DOCK1: variants seen among roughly 807,000 people sequenced by gnomAD.
DOCK1 encodes the protein dedicator of cytokinesis 1.
DOCK1 carries 138 observed loss-of-function variants against 262.7 expected under a neutral mutation model. The observed-to-expected ratio is 0.53, with a 90% CI of 0.46 to 0.61. The LOEUF is 0.61. DOCK1 is among the 20% of genes least tolerant of loss of function. The pLI is 0.00. For missense variants in DOCK1, 1,908 were observed against 2,370.7 expected, an observed-to-expected ratio of 0.80 and a Z score of 4.05; for synonymous variants, 866 against 867.4, an observed-to-expected ratio of 1.00 and a Z score of 0.03.
In DOCK1 at chr10:127,439,065, C is replaced by T; in HGVS notation, c.5099C>T (p.Ser1700Phe). ...LEPLLPKKMH[S>F]RSQDKLDKDD... ...CCTCTCCTGCCAAAGAAAATGCACT[C>T]CAGGTCCCAGGACAAGCTGGACAAG... Residue 1700 changes from serine to phenylalanine, a missense_variant, in exon 49 of 52, where the codon TCC (serine) becomes TTC (phenylalanine). By Grantham distance (155) the Ser-to-Phe change is radical. This residue lies in a region of DOCK1 where 383 missense variants were observed against 420.1 expected (regional missense o/e 0.91). Coordinates refer to ENST00000623213, the MANE Select transcript of DOCK1 (RefSeq NM_001290223.2). 1 of 1,555,268 alleles carries T rather than the reference C, an allele frequency of 6.4e-7. No individual in the cohort carries two copies. The highest frequency in any genetic ancestry group is 8.7e-7 in the Non-Finnish European group (1 of 1,148,920).
chr10:127,290,019 T>C (rs1168580103), intron 29 of DOCK1, among the ~76,000 whole-genome samples: 1 of 152,124 alleles, frequency 6.6e-6, no homozygotes, highest in Non-Finnish European at 1.5e-5. Flanking sequence ...CTGTTTCTGT[T>C]ATGGAGTTTT....
At chr10:127,383,919 T>C (rs1307900690) in intron 37 of DOCK1, among the ~76,000 whole-genome samples, 2 of 152,128 alleles carry the variant, frequency 1.3e-5, no homozygotes, top group Non-Finnish European at 2.9e-5. Context: ...TCTGTTTTTT[T>C]TTCTTCTTCT....
At chr10:127,299,683 G>A (rs1448373613) in intron 29 of DOCK1, among the ~76,000 whole-genome samples, 2 of 152,134 alleles carry the variant, frequency 1.3e-5, no homozygotes, top group East Asian at 3.9e-4. Context: ...CCCAGCTTGT[G>A]GTCACTTGTC....
chr10:126,921,428 A>G (rs1320732387), intron 1 of DOCK1, among the ~76,000 whole-genome samples: 1 of 152,208 alleles, frequency 6.6e-6, no homozygotes, highest in Non-Finnish European at 1.5e-5. Flanking sequence ...TAAGGGCAAG[A>G]AGCCAGTCAC....
chr10:127,038,993 C>T (rs114776250), intron 19 of DOCK1, among the ~76,000 whole-genome samples: 2 of 152,204 alleles, frequency 1.3e-5, no homozygotes, highest in African/African-American at 2.4e-5. Flanking sequence ...TGTGTGTTGC[C>T]GCCTCAGTTC....
At chr10:126,951,137 G>A (rs1232222085) in intron 1 of DOCK1, among the ~76,000 whole-genome samples, 1 of 151,698 alleles carries the variant, frequency 6.6e-6, no homozygotes, top group Non-Finnish European at 1.5e-5. Flanking sequence ...GGTAGTGTTA[G>A]CATGGTTGTT....
At chr10:127,197,011 C>A (rs1208687470) in intron 27 of DOCK1, among the ~76,000 whole-genome samples, 1 of 152,028 alleles carries the variant, frequency 6.6e-6, no homozygotes, top group Non-Finnish European at 1.5e-5. Flanking sequence ...TTGAAGGGTG[C>A]GTGTCTTGTA....
chr10:127,071,982 A>G (rs922116797), intron 23 of DOCK1, among the ~76,000 whole-genome samples: 9 of 152,284 alleles, frequency 5.9e-5, no homozygotes, highest in African/African-American at 2.2e-4. Flanking sequence ...TCCTTTGGCC[A>G]TGGTGGCTTC....
intron 27 of DOCK1, among the ~76,000 whole-genome samples, chr10:127,214,698 C>G (rs2058128379): frequency 6.6e-6 from 1 of 152,052 alleles, no homozygotes; most frequent in African/African-American, 2.4e-5. Flanking sequence ...GGAAACACAC[C>G]CCGGGGTAGG....
chr10:127,391,849 G>T (rs577775895), intron 38 of DOCK1, among the ~76,000 whole-genome samples: 1 of 152,174 alleles, frequency 6.6e-6, no homozygotes, highest in South Asian at 2.1e-4. Context: ...CGCTCCTGCA[G>T]ATAGATAGCA....
chr10:127,440,990 G>C (rs111398637), intron 49 of DOCK1, among the ~76,000 whole-genome samples: 3,414 of 152,332 alleles, frequency 0.022, 76 homozygotes, highest in Middle Eastern at 0.078. Context: ...GATTTCTCAA[G>C]TCTCAAAACA....
At chr10:126,971,197 C>G (rs2038083735) in intron 2 of DOCK1, among the ~76,000 whole-genome samples, 1 of 151,760 alleles carries the variant, frequency 6.6e-6, no homozygotes, top group African/African-American at 2.4e-5. Context: ...ATTACAGGTG[C>G]CCGCCACCAT....
chr10:127,259,190 A>G (rs976805737), intron 29 of DOCK1, among the ~76,000 whole-genome samples: 1 of 152,152 alleles, frequency 6.6e-6, no homozygotes, highest in Non-Finnish European at 1.5e-5. Context: ...CGGGGAGCAG[A>G]GTGGGGGTCT....
chr10:127,308,710 T>A (rs188549203), intron 29 of DOCK1, among the ~76,000 whole-genome samples: 5 of 152,268 alleles, frequency 3.3e-5, no homozygotes, highest in Admixed American at 3.3e-4. Flanking sequence ...CCTGTATGAG[T>A]TTGCTGAGGA....
intron 29 of DOCK1, among the ~76,000 whole-genome samples, chr10:127,313,057 C>T (rs2135510788): frequency 6.6e-6 from 1 of 152,268 alleles, no homozygotes; most frequent in East Asian, 1.9e-4. Flanking sequence ...CTCCCTTGAC[C>T]CTCAGCCATT....
chr10:127,009,880 C>T (rs2041301573), intron 11 of DOCK1, among the ~76,000 whole-genome samples: 1 of 152,114 alleles, frequency 6.6e-6, no homozygotes, highest in Admixed American at 6.5e-5. Flanking sequence ...CCACCCGACT[C>T]CTCTGGGTCT....
intron 33 of DOCK1, among the ~76,000 whole-genome samples, chr10:127,366,360 A>G (rs1227582787): frequency 6.6e-6 from 1 of 152,110 alleles, no homozygotes; most frequent in Non-Finnish European, 1.5e-5. Context: ...CCAAGCCTGC[A>G]GCATCATCCC....
At chr10:127,018,931 A>G (rs960294742) in intron 13 of DOCK1, 96 bp downstream of exon 13, 16 of 1,531,560 alleles carry the variant, frequency 1.0e-5, no homozygotes, top group Non-Finnish European at 1.3e-5. Context: ...AGCTCTGGCA[A>G]GGAAAGGGCT....
intron 29 of DOCK1, among the ~76,000 whole-genome samples, chr10:127,292,343 G>A (rs1246194634): frequency 6.6e-6 from 1 of 152,150 alleles, no homozygotes; most frequent in Non-Finnish European, 1.5e-5. Context: ...AGTGACTCAG[G>A]CAGCCCTGCT....
Sources: gnomAD v4.1 joint callset for allele counts (sites outside exome capture counted in the v4.1 genomes callset) on GRCh38, gnomAD v4.1.1 for gene constraint, gnomAD v4.1.1 regional missense constraint, MANE v1.5 for transcripts, NCBI Gene and HGNC (gene_info 2026-07-23, HGNC 2026-07-21) for gene names.